LRRN4: variants seen among roughly 807,000 people sequenced by gnomAD.
LRRN4 encodes the protein leucine-rich repeat neuronal protein 4.
In LRRN4, 26 loss-of-function variants were observed where a neutral mutation model predicts 22.3. The observed-to-expected ratio is 1.16, with a 90% confidence interval of 0.85 to 1.62. The LOEUF is 1.62. LRRN4 is among the 40% of genes most tolerant of loss of function. The pLI is 0.00. For missense variants in LRRN4, 1,070 were observed against 1,008.5 expected (o/e 1.06, Z -0.83); for synonymous variants, 496 against 486.2 (o/e 1.02, Z -0.26).
Position 6,052,233 on chromosome 20 carries a change from G to A in LRRN4, c.567C>T (p.Gly189=), listed in dbSNP as rs1568643190. 16 of 1,570,320 alleles carry A rather than the reference G, an allele frequency of 1.0e-5. No homozygotes were observed. Among genetic ancestry groups the A allele is most frequent in the Non-Finnish European group, 1.4e-5 (16 of 1,158,668 alleles). The change falls in exon 2 of 5, where the codon GGC becomes GGT. Residue 189 remains glycine (G), a synonymous_variant. Transcript: ENST00000378858. ...CTALGRGAQG[G]IAEAAFAGED... ...CTCCAGCGAACGCCGCCTCGGCGATGCCCCCCTGGGCTCCGCGACCCAGCG... is the reference window on the plus strand; with the variant it reads ...CTCCAGCGAACGCCGCCTCGGCGATACCCCCCTGGGCTCCGCGACCCAGCG...
At position 6,052,370 on chromosome 20, in the gene LRRN4, C is replaced by A; in HGVS notation, c.430G>T (p.Ala144Ser). ...LAALPPCTGP[A>S]LSSLRALALA... ...GCCAGGGCGCGGAGGCTGCTCAGCG[C>A]GGGCCCGGTGCACGGCGGCAGAGCG... Residue 144 changes from alanine (A) to serine (S), a missense_variant, in exon 2 of 5, where the codon GCG becomes TCG. Coordinates refer to ENST00000378858, the MANE Select transcript of LRRN4 (RefSeq NM_152611.5). The A allele has an allele frequency of 6.6e-7, 1 of 1,518,398 alleles. No individual in the cohort carries two copies. The highest frequency in any genetic ancestry group is 8.8e-7 in the Non-Finnish European group (1 of 1,142,168). 94.1% of individuals were successfully genotyped at this position (1,518,398 alleles called of 1,614,324 possible). A position where few individuals can be genotyped will look rare whatever the true frequency, so the allele number is the denominator to read the frequency against.
At chr20:6,049,495 T>C in intron 3 of LRRN4, among the ~76,000 whole-genome samples, 1 of 152,078 alleles carries the variant, frequency 6.6e-6, no homozygotes, top group East Asian at 1.9e-4. Context: ...ACCACCACTA[T>C]TTTTTTGTTT....
At chr20:6,044,491 C>A in intron 4 of LRRN4, 52 bp downstream of exon 4, 1 of 1,380,496 alleles carries the variant, frequency 7.2e-7, no homozygotes, top group Non-Finnish European at 9.4e-7. Flanking sequence ...AGAACTTCAG[C>A]TCCTGAAGGC....
intron 4 of LRRN4, among the ~76,000 whole-genome samples, chr20:6,044,044 T>C (rs745910232): frequency 3.9e-5 from 6 of 152,186 alleles, no homozygotes. Flanking sequence ...TCCCACTGTC[T>C]CCTGGTGGCC....
intron 2 of LRRN4, 78 bp downstream of exon 2, chr20:6,052,067 C>A: frequency 6.8e-7 from 1 of 1,475,962 alleles, no homozygotes; most frequent in South Asian, 1.3e-5. Context: ...AGGAAGAACG[C>A]AGCCCTGCCC....
Position 6,050,913 on chromosome 20 carries a change from C to T in LRRN4, c.726G>A (p.Thr242=), listed in dbSNP as rs149005401. Residue 242 remains threonine, a synonymous_variant, in exon 3 of 5, where the codon ACG becomes ACA. Transcript: ENST00000378858. ...TCTTGAAAATGTCCCCCTCCAGGGT[C>T]GTCAGCCGAGGCATCTTCCTCAGGT... ...SLYLRKMPRL[T]TLEGDIFKMT... 1,273 of 1,614,156 alleles carry T rather than the reference C, an allele frequency of 7.9e-4. No individual in the cohort carries two copies. Among genetic ancestry groups the T allele is most frequent in the Middle Eastern group, 2.3e-3 (14 of 6,062 alleles).
Position 6,041,268 on chromosome 20 carries a change from C to A in LRRN4, c.1977G>T (p.Leu659Phe). The change falls in exon 5 of 5, where the codon TTG becomes TTT. Residue 659 changes from leucine (L) to phenylalanine (F), a missense_variant. Leu to Phe is a conservative substitution (Grantham distance 22). Transcript: ENST00000378858. This position sits in a 1 kb window ranked among gnomAD's most constrained non-coding sequence, Gnocchi z 9.4. ...VCVLAANRAG[L>F]SQPRSSGWRS... ...TCCAGCCCGAAGACCGTGGCTGGCT[C>A]AAGCCCGCCCTGTTGGCCGCCAGCA... is the stretch of plus-strand genomic sequence containing the variant. 1 of 1,586,550 alleles carries A rather than the reference C, an allele frequency of 6.3e-7. No homozygotes were observed. The highest frequency in any genetic ancestry group is 1.1e-5 in the South Asian group (1 of 88,784).
chr20:6,041,094 G>C lies in LRRN4; in HGVS notation c.2151C>G (p.Cys717Trp). Residue 717 changes from cysteine (C) to tryptophan (W), a missense_variant, in exon 5 of 5, where the codon TGC becomes TGG. Coordinates refer to ENST00000378858, the MANE Select transcript of LRRN4 (RefSeq NM_152611.5). This position sits in a 1 kb window ranked among gnomAD's most constrained non-coding sequence, Gnocchi z 9.4. Reference sequence around the variant, plus strand: ...TTTTGTAGGCCACCAGGTGCGTGTCGCAGCGCTGCAGGCCCAGCGTCTGGC... The same window carrying C: ...TTTTGTAGGCCACCAGGTGCGTGTCCCAGCGCTGCAGGCCCAGCGTCTGGC... ...RRGQTLGLQR[C>W]DTHLVAYKNP... 6.2e-7 allele frequency: 1 copy of C among 1,613,288 alleles called. No individual in the cohort carries two copies. The highest frequency in any genetic ancestry group is 8.5e-7 in the Non-Finnish European group (1 of 1,179,708).
chr20:6,041,978 T>TGTGCG lies in LRRN4; in HGVS notation c.1262_1266dup (p.Ser423ArgfsTer17). ...GGGGCAGTCCCCTCCCGTGCATCGCTGTGCGGCCATGCAGCTATCGTGCGA... is the reference window on the plus strand; with the variant it reads ...GGGGCAGTCCCCTCCCGTGCATCGCTGTGCGGTGCGGCCATGCAGCTATCGTGCGA... On this transcript the variant is annotated frameshift_variant, in exon 5 of 5. Transcript: ENST00000378858. LOFTEE classifies it low-confidence loss of function (END_TRUNC). This position sits in a 1 kb window ranked among gnomAD's most constrained non-coding sequence, Gnocchi z 9.4. The TGTGCG allele has an allele frequency of 6.2e-7, 1 of 1,614,030 alleles. No homozygotes were observed. The highest frequency in any genetic ancestry group is 1.1e-5 in the South Asian group (1 of 91,076).
chr20:6,046,330 A>T (rs1226341871), intron 3 of LRRN4, among the ~76,000 whole-genome samples: 1 of 147,920 alleles, frequency 6.8e-6, no homozygotes, highest in African/African-American at 2.5e-5. Flanking sequence ...AAAAATATAT[A>T]TATAGGAGGA....
rs544266757 is a variant in LRRN4, at chr20:6,045,201, G to A, written c.861-521C>T. 4.0e-5 allele frequency among the ~76,000 whole-genome samples: 6 copies of A among 148,762 alleles called. No homozygotes were observed. The East Asian group carries it at 1.2e-3, about 29-fold the overall frequency. On this transcript the variant is annotated intron_variant, in intron 3 of 4. Coordinates refer to ENST00000378858, the MANE Select transcript of LRRN4 (RefSeq NM_152611.5). Reference sequence around the variant, plus strand: ...TACCTGTAATCCCAGCACTTTGGGAGGCCAAGGCAGGTGGATTATTTGAGG... The same window carrying A: ...TACCTGTAATCCCAGCACTTTGGGAAGCCAAGGCAGGTGGATTATTTGAGG...
At chr20:6,045,019 T>C (rs1295001532) in intron 3 of LRRN4, among the ~76,000 whole-genome samples, 2 of 151,966 alleles carry the variant, frequency 1.3e-5, no homozygotes, top group African/African-American at 4.8e-5. Context: ...TGCTTTTCTT[T>C]TTCCCTGAAG....
At chr20:6,050,701 G>T in intron 3 of LRRN4, 78 bp downstream of exon 3, 2 of 1,371,998 alleles carry the variant, frequency 1.5e-6, no homozygotes, top group Non-Finnish European at 2.1e-6. Flanking sequence ...TTAAGGTCTG[G>T]TTTGTTCTAT....
intron 4 of LRRN4, among the ~76,000 whole-genome samples, chr20:6,042,638 C>T (rs1437741032): frequency 6.6e-6 from 1 of 152,102 alleles, no homozygotes; most frequent in East Asian, 1.9e-4. Flanking sequence ...AAATCATACT[C>T]GGGCCGGTGC....
At chr20:6,043,130 C>T (rs1262506244) in intron 4 of LRRN4, among the ~76,000 whole-genome samples, 1 of 152,126 alleles carries the variant, frequency 6.6e-6, no homozygotes, top group Non-Finnish European at 1.5e-5. Context: ...GTAAGTAGAC[C>T]AGGTACAGTG....
Position 6,052,910 on chromosome 20 carries a change from G to A in LRRN4, c.-5-106C>T, listed in dbSNP as rs1981302012. The A allele has an allele frequency of 4.0e-5, 47 of 1,179,354 alleles. No homozygotes were observed. The South Asian group carries it at 7.4e-4, about 19-fold the overall frequency. 73.1% of individuals were successfully genotyped at this position (1,179,354 alleles called of 1,614,324 possible). ...TCCAGGGCTCTGAGGAGGAGCACAGGCGCTGGATGTTCCCTGCAGGGCGGG... is the reference window on the plus strand; with the variant it reads ...TCCAGGGCTCTGAGGAGGAGCACAGACGCTGGATGTTCCCTGCAGGGCGGG... On this transcript the variant is annotated intron_variant, in intron 1 of 4. Transcript: ENST00000378858.
chr20:6,052,116 G>A (rs565621431), intron 2 of LRRN4, 29 bp downstream of exon 2: 9 of 1,561,862 alleles, frequency 5.8e-6, no homozygotes, highest in Middle Eastern at 1.7e-4. Flanking sequence ...CGCTCAGGCC[G>A]GCTGAAAACG....
In LRRN4 at chr20:6,041,250, C is replaced by T. The variant is rs777448616; in HGVS notation, c.1995G>A (p.Ser665=). The stretch of plus-strand genomic sequence containing the variant: ...AGGCGGCGCACGGGCTCCTCCAGCC[C>T]GAAGACCGTGGCTGGCTCAAGCCCG... ...NRAGLSQPRS[S]GWRSPCAAFT... The change falls in exon 5 of 5, where the codon TCG becomes TCA. Residue 665 remains serine, a synonymous_variant. Coordinates refer to ENST00000378858, the MANE Select transcript of LRRN4 (RefSeq NM_152611.5). The surrounding 1 kb of genome is among the most constrained non-coding windows in gnomAD (Gnocchi z 9.4). 4 of 1,583,372 alleles carry T rather than the reference C, an allele frequency of 2.5e-6. No homozygotes were observed. Among genetic ancestry groups the T allele is most frequent in the Non-Finnish European group, 3.4e-6 (4 of 1,165,584 alleles).
At position 6,041,925 on chromosome 20, in the gene LRRN4, G is replaced by A; in HGVS notation, c.1320C>T (p.His440=). ...CCCTGGGGAAAACGCTGGAGTTGCTGTGACCTGCTACAGAGTTGGTCGTGG... is the reference window on the plus strand; with the variant it reads ...CCCTGGGGAAAACGCTGGAGTTGCTATGACCTGCTACAGAGTTGGTCGTGG... ...APSTTNSVAG[H]SNSSVFPRAA... is the part of the protein sequence containing the mutation. Residue 440 remains histidine, a synonymous_variant, in exon 5 of 5, where the codon CAC becomes CAT. Coordinates refer to ENST00000378858, the MANE Select transcript of LRRN4 (RefSeq NM_152611.5). This position sits in a 1 kb window ranked among gnomAD's most constrained non-coding sequence, Gnocchi z 9.4. 2 of 1,614,182 alleles carry A rather than the reference G, an allele frequency of 1.2e-6. No individual in the cohort carries two copies. Among genetic ancestry groups the A allele is most frequent in the South Asian group, 1.1e-5 (1 of 91,086 alleles).
Sources: gnomAD v4.1 joint callset for allele counts (sites outside exome capture counted in the v4.1 genomes callset) on GRCh38, gnomAD v4.1.1 for gene constraint, Gnocchi (gnomAD v3.1) non-coding constraint, MANE v1.5 for transcripts, NCBI Gene and HGNC (gene_info 2026-07-23, HGNC 2026-07-21) for gene names.